The following FHOD3 variants were observed in gnomAD, a reference collection of about 807,000 sequenced individuals.
The protein encoded by FHOD3 is formin homology 2 domain containing 3, also known as FH1/FH2 domain-containing protein 3.
Under a neutral mutation model 173.0 loss-of-function variants are expected in FHOD3, and 90 were observed. That is an observed-to-expected ratio of 0.52 (90% CI 0.44 to 0.62). The LOEUF is 0.62. Among genes scored for constraint, FHOD3 ranks in the 20% least tolerant of loss-of-function variants. The pLI, the probability that FHOD3 is intolerant of heterozygous loss-of-function variation, is 0.00. For missense variants in FHOD3, 1,945 were observed against 2,034.7 expected (o/e 0.96, Z 0.85); for synonymous variants, 828 against 823.0 (o/e 1.01, Z -0.10).
intron 3 of FHOD3, among the ~76,000 whole-genome samples, chr18:36,440,385 C>G (rs1192441239): frequency 6.6e-6 from 1 of 152,224 alleles, no homozygotes; most frequent in Non-Finnish European, 1.5e-5. Flanking sequence ...GGCTGCTGAT[C>G]TCCCACTCCC....
chr18:36,771,824 G>C (rs1157063851), intron 28 of FHOD3, among the ~76,000 whole-genome samples: 1 of 152,222 alleles, frequency 6.6e-6, no homozygotes, highest in Non-Finnish European at 1.5e-5. Flanking sequence ...CATTTGTCAG[G>C]TGCATGGCAC....
At chr18:36,521,034 C>A (rs1023833226) in intron 5 of FHOD3, among the ~76,000 whole-genome samples, 1 of 152,214 alleles carries the variant, frequency 6.6e-6, no homozygotes, top group Non-Finnish European at 1.5e-5. Flanking sequence ...GTGAATCCAG[C>A]TTTATGATAG....
At chr18:36,523,116 T>A (rs1335509983) in intron 5 of FHOD3, among the ~76,000 whole-genome samples, 9 of 142,804 alleles carry the variant, frequency 6.3e-5, no homozygotes, top group African/African-American at 2.4e-4. Flanking sequence ...CCATCAGTGC[T>A]GTCTGGGCCC....
intron 27 of FHOD3, among the ~76,000 whole-genome samples, chr18:36,767,651 G>A (rs1026622198): frequency 6.6e-6 from 1 of 152,152 alleles, no homozygotes; most frequent in Non-Finnish European, 1.5e-5. Flanking sequence ...AAACATCATT[G>A]TTCTATAGCC....
At chr18:36,729,764 A>C (rs2041259982) in intron 19 of FHOD3, among the ~76,000 whole-genome samples, 1 of 152,194 alleles carries the variant, frequency 6.6e-6, no homozygotes, top group African/African-American at 2.4e-5. Context: ...TTAGGGCTTC[A>C]ACTTATGAAT....
At chr18:36,390,853 A>G (rs552220373) in intron 3 of FHOD3, among the ~76,000 whole-genome samples, 1 of 152,326 alleles carries the variant, frequency 6.6e-6, no homozygotes, top group African/African-American at 2.4e-5. Context: ...GGGGGTGGGG[A>G]GAAATAACGA....
chr18:36,468,394 AGGCGGAGGT>A (rs1245137227), intron 3 of FHOD3, among the ~76,000 whole-genome samples: 2 of 152,130 alleles, frequency 1.3e-5, no homozygotes, highest in Non-Finnish European at 2.9e-5. Context: ...GGGACAGGGA[AGGCGGAGGT>A]GGTGGAGAAA....
intron 3 of FHOD3, among the ~76,000 whole-genome samples, chr18:36,444,484 G>C (rs2051347939): frequency 6.6e-6 from 1 of 152,150 alleles, no homozygotes; most frequent in South Asian, 2.1e-4. Context: ...AGGCAGACCA[G>C]AGAAGTGTGA....
intron 6 of FHOD3, among the ~76,000 whole-genome samples, chr18:36,591,186 G>A (rs2059204228): frequency 6.6e-6 from 1 of 152,146 alleles, no homozygotes; most frequent in Non-Finnish European, 1.5e-5. Flanking sequence ...AAATACACTG[G>A]AATGTAGTCT....
chr18:36,696,041 G>A (rs2039263246), intron 17 of FHOD3, among the ~76,000 whole-genome samples: 1 of 152,182 alleles, frequency 6.6e-6, no homozygotes, highest in Non-Finnish European at 1.5e-5. Context: ...GTGGGAACAT[G>A]CAATCATAAT....
intron 10 of FHOD3, among the ~76,000 whole-genome samples, chr18:36,646,815 A>G (rs1173044742): frequency 6.6e-6 from 1 of 152,260 alleles, no homozygotes. Flanking sequence ...GGCATTAGCC[A>G]TCAAAGGTAA....
At chr18:36,550,479 G>A (rs542522669) in intron 5 of FHOD3, among the ~76,000 whole-genome samples, 1 of 151,574 alleles carries the variant, frequency 6.6e-6, no homozygotes, top group South Asian at 2.1e-4. Context: ...TTTCTAGGGG[G>A]AAAAAAAGCT....
chr18:36,405,335 G>A (rs1421626873), intron 3 of FHOD3, among the ~76,000 whole-genome samples: 1 of 152,166 alleles, frequency 6.6e-6, no homozygotes, highest in African/African-American at 2.4e-5. Context: ...AATTTGTCTA[G>A]TTATATTAAC....
intron 9 of FHOD3, among the ~76,000 whole-genome samples, chr18:36,622,768 C>G (rs2033812459): frequency 1.3e-5 from 2 of 152,204 alleles, no homozygotes; most frequent in African/African-American, 2.4e-5. Context: ...TTCTAGCTCC[C>G]AGTGTTCCTG....
intron 5 of FHOD3, among the ~76,000 whole-genome samples, chr18:36,518,522 G>A (rs955356290): frequency 2.6e-5 from 4 of 152,270 alleles, no homozygotes; most frequent in Non-Finnish European, 4.4e-5. Flanking sequence ...TGGTACAACA[G>A]GACTATTTCC....
At chr18:36,616,436 A>G (rs1369312354) in intron 9 of FHOD3, among the ~76,000 whole-genome samples, 2 of 152,194 alleles carry the variant, frequency 1.3e-5, no homozygotes, top group African/African-American at 4.8e-5. Context: ...GCTTCAGGGC[A>G]CATTTTCTCT....
chr18:36,499,434 G>T (rs1365831621), intron 3 of FHOD3, among the ~76,000 whole-genome samples: 2 of 152,164 alleles, frequency 1.3e-5, no homozygotes, highest in Admixed American at 6.5e-5. Flanking sequence ...CCTGGAATTG[G>T]CTCTTTTCTA....
At chr18:36,419,716 G>T (rs2049886502) in intron 3 of FHOD3, among the ~76,000 whole-genome samples, 2 of 152,194 alleles carry the variant, frequency 1.3e-5, no homozygotes, top group African/African-American at 4.8e-5. Context: ...GAGTTAGTGT[G>T]TCTGACAGAC....
chr18:36,453,046 C>T (rs1432199154), intron 3 of FHOD3, among the ~76,000 whole-genome samples: 1 of 151,542 alleles, frequency 6.6e-6, no homozygotes, highest in Non-Finnish European at 1.5e-5. Context: ...GGATAAATAC[C>T]CAGAAGTTGG....
Sources: gnomAD v4.1 joint callset for allele counts (sites outside exome capture counted in the v4.1 genomes callset) on GRCh38, gnomAD v4.1.1 for gene constraint, MANE v1.5 for transcripts, NCBI Gene and HGNC (gene_info 2026-07-23, HGNC 2026-07-21) for gene names.